Variants in CCDC7 observed in about 807,000 individuals in gnomAD.
CCDC7 encodes the protein coiled-coil domain-containing protein 7.
In CCDC7, 183 loss-of-function variants were observed where a neutral mutation model predicts 196.9. The observed-to-expected ratio is 0.93, with a 90% CI of 0.82 to 1.05. The LOEUF (loss-of-function observed/expected upper bound fraction) is 1.05. Ranked by LOEUF, CCDC7 falls within the 50% of genes least tolerant of loss-of-function variation. The pLI, the probability that CCDC7 is intolerant of heterozygous loss-of-function variation, is 0.00. For synonymous variants in CCDC7, 525 were observed against 484.6 expected, an observed-to-expected ratio of 1.08 and a Z score of -1.10; for missense variants, 1,540 against 1,482.2, an observed-to-expected ratio of 1.04 and a Z score of -0.64.
intron 28 of CCDC7, among the ~76,000 whole-genome samples, chr10:32,777,021 T>C (rs760463451): frequency 5.3e-5 from 8 of 152,194 alleles, no homozygotes; most frequent in Non-Finnish European, 7.3e-5. Flanking sequence ...GATAGCATAA[T>C]ACCCAAGAGG....
chr10:32,456,299 GC>G lies in CCDC7; in HGVS notation c.422del (p.Ala141ValfsTer3). 6.4e-7 allele frequency: 1 copy of G among 1,571,850 alleles called. No homozygotes were observed. Among genetic ancestry groups the G allele is most frequent in the Non-Finnish European group, 8.7e-7 (1 of 1,150,704 alleles). On this transcript the variant is annotated frameshift_variant, in exon 3 of 42. Transcript: ENST00000639629. LOFTEE classifies it high-confidence loss of function. Reference sequence around the variant, plus strand: ...CTTGACATATTGTTCGCAATTTGCAGCTCAGCTAGAAGAAGCACTTAAAGAA... The same window carrying G: ...CTTGACATATTGTTCGCAATTTGCAGTCAGCTAGAAGAAGCACTTAAAGAA...
intron 21 of CCDC7, among the ~76,000 whole-genome samples, chr10:32,681,804 C>T (rs1373768693): frequency 6.7e-6 from 1 of 149,542 alleles, no homozygotes; most frequent in African/African-American, 2.5e-5. Flanking sequence ...CACACATCTG[C>T]ATACATATAT....
chr10:32,460,730 A>G (rs2035449345), intron 3 of CCDC7, among the ~76,000 whole-genome samples: 1 of 152,180 alleles, frequency 6.6e-6, no homozygotes, highest in African/African-American at 2.4e-5. Context: ...GCGTAGATTT[A>G]TGCTTTCTTA....
chr10:32,621,117 T>C (rs2063361201), intron 18 of CCDC7, among the ~76,000 whole-genome samples: 1 of 152,202 alleles, frequency 6.6e-6, no homozygotes, highest in African/African-American at 2.4e-5. Context: ...CCTGTTGTTT[T>C]CAAGATTGTC....
intron 10 of CCDC7, 55 bp from the exon 12 acceptor site, chr10:32,518,361 C>T: frequency 4.0e-6 from 6 of 1,493,828 alleles, no homozygotes; most frequent in African/African-American, 1.4e-5. Flanking sequence ...ATCTGAATAA[C>T]CTTTCTACAT....
intron 5 of CCDC7, among the ~76,000 whole-genome samples, chr10:32,469,275 C>T (rs1382673253): frequency 1.3e-5 from 2 of 152,092 alleles, no homozygotes; most frequent in Admixed American, 6.6e-5. Context: ...AGACATTCTA[C>T]TAAAGGAGTA....
chr10:32,471,123 T>C (rs1310767413), exon 6 of CCDC7: 3 of 1,612,544 alleles, frequency 1.9e-6, no homozygotes. Flanking sequence ...AAACAGTCAT[T>C]TTAAATATTG....
intron 33 of CCDC7, among the ~76,000 whole-genome samples, chr10:32,843,160 C>T (rs952331805): frequency 2.7e-5 from 4 of 150,728 alleles, no homozygotes; most frequent in African/African-American, 9.7e-5. Flanking sequence ...TCCACCGGAA[C>T]AAATGCAAAA....
intron 32 of CCDC7, among the ~76,000 whole-genome samples, chr10:32,834,525 A>G (rs1490963929): frequency 1.3e-5 from 2 of 152,110 alleles, no homozygotes; most frequent in Non-Finnish European, 2.9e-5. Context: ...TTAAGGAGTA[A>G]CAAACATCTA....
chr10:32,575,566 T>C (rs947079643), intron 16 of CCDC7, among the ~76,000 whole-genome samples: 4 of 152,300 alleles, frequency 2.6e-5, no homozygotes, highest in African/African-American at 9.6e-5. Context: ...TGGGAGGGCA[T>C]AGAGAGCACC....
chr10:32,543,730 G>C (rs1344901424), intron 12 of CCDC7, among the ~76,000 whole-genome samples: 2 of 151,938 alleles, frequency 1.3e-5, no homozygotes, highest in Non-Finnish European at 2.9e-5. Flanking sequence ...AGTGTTGGCT[G>C]TTCTTTTCTA....
At chr10:32,507,102 C>T (rs1245625534) in intron 9 of CCDC7, among the ~76,000 whole-genome samples, 1 of 151,954 alleles carries the variant, frequency 6.6e-6, no homozygotes, top group Admixed American at 6.6e-5. Flanking sequence ...AAGTGATTCT[C>T]CTGCGTCAGC....
At chr10:32,638,234 C>T (rs959784242) in intron 20 of CCDC7, among the ~76,000 whole-genome samples, 21 of 152,260 alleles carry the variant, frequency 1.4e-4, no homozygotes, top group African/African-American at 5.1e-4. Context: ...CCTTCTCCTG[C>T]CTGATTGCCC....
At chr10:32,722,137 G>A in intron 25 of CCDC7, among the ~76,000 whole-genome samples, 1 of 151,884 alleles carries the variant, frequency 6.6e-6, no homozygotes, top group East Asian at 1.9e-4. Context: ...ATTTTTTTTG[G>A]TAGACAATAG....
At chr10:32,602,322 A>G (rs1387298472) in intron 18 of CCDC7, among the ~76,000 whole-genome samples, 2 of 151,780 alleles carry the variant, frequency 1.3e-5, no homozygotes, top group Non-Finnish European at 2.9e-5. Flanking sequence ...TTCTGGACAC[A>G]CCATCTTTAA....
chr10:32,576,188 T>TG (rs1397329092), intron 16 of CCDC7, among the ~76,000 whole-genome samples: 1 of 152,100 alleles, frequency 6.6e-6, no homozygotes, highest in Non-Finnish European at 1.5e-5. Flanking sequence ...GTTACCATTT[T>TG]GCCATCATAG....
intron 41 of CCDC7, among the ~76,000 whole-genome samples, chr10:32,871,588 G>C (rs1217128476): frequency 1.3e-5 from 2 of 151,506 alleles, no homozygotes; most frequent in African/African-American, 4.9e-5. Flanking sequence ...GGTTTTTTGT[G>C]TCTCTATTTC....
At chr10:32,675,336 A>T (rs961934872) in intron 21 of CCDC7, among the ~76,000 whole-genome samples, 2 of 152,028 alleles carry the variant, frequency 1.3e-5, no homozygotes, top group African/African-American at 4.8e-5. Context: ...TAAAGTTAAA[A>T]TGGTCTATTT....
intron 18 of CCDC7, among the ~76,000 whole-genome samples, chr10:32,589,487 A>G (rs771652690): frequency 1.8e-4 from 28 of 152,190 alleles, no homozygotes; most frequent in Non-Finnish European, 3.4e-4. Context: ...CAAATGGTCT[A>G]TGCTTGAGAA....
Sources: allele counts gnomAD v4.1 joint callset (sites outside exome capture counted in the v4.1 genomes callset), GRCh38; gene constraint gnomAD v4.1.1; transcripts MANE v1.5; gene names NCBI Gene and HGNC (gene_info 2026-07-23, HGNC 2026-07-21).